The following FMN1 variants were observed in gnomAD, a reference collection of about 807,000 sequenced individuals.
The protein encoded by FMN1 is formin 1, also known as formin-1.
FMN1 carries 110 observed loss-of-function variants against 132.4 expected under a neutral mutation model. That is an observed-to-expected ratio of 0.83 (90% CI 0.71 to 0.97). The LOEUF is 0.97. FMN1 is among the 50% of genes least tolerant of loss of function. The pLI, the probability that FMN1 is intolerant of heterozygous loss-of-function variation, is 0.00. For missense variants in FMN1, 1,792 were observed against 1,705.3 expected, an observed-to-expected ratio of 1.05 and a Z score of -0.90; for synonymous variants, 722 against 651.7, an observed-to-expected ratio of 1.11 and a Z score of -1.64.
intron 6 of FMN1, among the ~76,000 whole-genome samples, chr15:33,052,195 A>G (rs940279818): frequency 6.6e-5 from 10 of 152,228 alleles, no homozygotes; most frequent in African/African-American, 2.4e-4. Flanking sequence ...AATACTATAC[A>G]TAACTATGCT....
At chr15:33,036,035 A>G (rs942701225) in intron 6 of FMN1, among the ~76,000 whole-genome samples, 6 of 152,158 alleles carry the variant, frequency 3.9e-5, no homozygotes, top group Admixed American at 1.3e-4. Context: ...CCTCAGCAAG[A>G]AGGCTCTTAC....
intron 4 of FMN1, among the ~76,000 whole-genome samples, chr15:33,135,027 C>T (rs1963703466): frequency 6.6e-6 from 1 of 152,148 alleles, no homozygotes; most frequent in Admixed American, 6.5e-5. Flanking sequence ...AGTAGGAAAA[C>T]ATTTTGAGTT....
intron 17 of FMN1, among the ~76,000 whole-genome samples, chr15:32,814,989 C>G (rs1481616894): frequency 1.3e-5 from 2 of 152,110 alleles, no homozygotes; most frequent in African/African-American, 4.8e-5. Flanking sequence ...GTCGCCCAGA[C>G]TGGAGTGCAG....
At chr15:32,815,669 C>T (rs1264226360) in intron 17 of FMN1, among the ~76,000 whole-genome samples, 2 of 152,136 alleles carry the variant, frequency 1.3e-5, no homozygotes, top group African/African-American at 4.8e-5. Context: ...GAGTGTGTCC[C>T]CTTCCCTTCA....
chr15:33,013,567 A>G (rs537620185), intron 6 of FMN1, among the ~76,000 whole-genome samples: 12 of 152,348 alleles, frequency 7.9e-5, no homozygotes, highest in African/African-American at 2.4e-4. Flanking sequence ...TTTTTTACGA[A>G]ATTATCTTTA....
intron 19 of FMN1, among the ~76,000 whole-genome samples, chr15:32,792,402 G>A (rs975507494): frequency 1.3e-5 from 2 of 151,522 alleles, no homozygotes; most frequent in South Asian, 2.1e-4. Context: ...CCGAAATCGC[G>A]CCACTGCACT....
intron 4 of FMN1, among the ~76,000 whole-genome samples, chr15:33,119,325 G>A (rs1962330167): frequency 6.6e-6 from 1 of 152,144 alleles, no homozygotes; most frequent in South Asian, 2.1e-4. Context: ...CATATCTTGG[G>A]CTACAGTGGT....
intron 3 of FMN1, among the ~76,000 whole-genome samples, chr15:33,160,962 T>C (rs1388667362): frequency 6.6e-6 from 1 of 152,244 alleles, no homozygotes; most frequent in Non-Finnish European, 1.5e-5. Flanking sequence ...TGCCTTTTAG[T>C]AGATGCTATC....
chr15:32,907,748 G>GAGGCCCTCTGAACCTGTGTCAGAGGACAC (rs67933750), intron 12 of FMN1, among the ~76,000 whole-genome samples: 7 of 151,970 alleles, frequency 4.6e-5, no homozygotes, highest in African/African-American at 1.2e-4. Context: ...ACAGGCAAAA[G>GAGGCCCTCTGAACCTGTGTCAGAGGACAC]AGGCCCTCTG....
chr15:32,913,871 A>G (rs2060621406), intron 10 of FMN1, among the ~76,000 whole-genome samples: 1 of 152,188 alleles, frequency 6.6e-6, no homozygotes, highest in Admixed American at 6.5e-5. Context: ...CTGAAGACTG[A>G]GTCCTGCTGA....
At chr15:32,778,751 T>A (rs2056572061) in intron 19 of FMN1, among the ~76,000 whole-genome samples, 1 of 152,060 alleles carries the variant, frequency 6.6e-6, no homozygotes, top group African/African-American at 2.4e-5. Context: ...AGTTTGGCCG[T>A]TTTCCAAAAC....
chr15:32,776,594 G>T (rs1474519967), intron 20 of FMN1, among the ~76,000 whole-genome samples: 1 of 152,068 alleles, frequency 6.6e-6, no homozygotes, highest in Non-Finnish European at 1.5e-5. Flanking sequence ...ATGTGAAATG[G>T]TAAGTGACTA....
rs985787857 is a variant in FMN1 at position 33,140,053 on chromosome 15, G to C, written c.1867+12995C>G. On this transcript the variant is annotated intron_variant, in intron 4 of 20. Coordinates refer to ENST00000616417, the MANE Select transcript of FMN1 (RefSeq NM_001277313.2). ...AACATATTTTCTCTCTCTAGGCAAAGTATATTTATTTCACTTTTTTAGGAT... is the reference window on the plus strand; with the variant it reads ...AACATATTTTCTCTCTCTAGGCAAACTATATTTATTTCACTTTTTTAGGAT... Among the ~76,000 whole-genome samples the C allele has an allele frequency of 1.1e-4, 17 of 152,000 alleles. 1 individual carries two copies. The highest frequency in any genetic ancestry group is 3.1e-4 in the African/African-American group (13 of 41,362).
chr15:32,889,826 A>G (rs2059983063), intron 15 of FMN1, among the ~76,000 whole-genome samples: 1 of 152,170 alleles, frequency 6.6e-6, no homozygotes, highest in African/African-American at 2.4e-5. Context: ...TGGTTACATG[A>G]GTAAGTTCTT....
intron 3 of FMN1, among the ~76,000 whole-genome samples, chr15:33,178,486 C>A (rs1275318057): frequency 6.6e-6 from 1 of 152,182 alleles, no homozygotes; most frequent in African/African-American, 2.4e-5. Context: ...ATTGTTTTGT[C>A]CAATCCTAAC....
rs746063488 is a variant in FMN1 at position 32,969,353 on chromosome 15, T to G, written c.2348A>C (p.Glu783Ala). ...GGTGGAAATGCACACATCTTTCCTC[T>G]CTTCACAACCCCCTCGCCATCTGTG... ...LEHRWRGGCE[E>A]RKDVCISTDD... Residue 783 changes from glutamate to alanine, a missense_variant, in exon 8 of 21, where the codon GAG (glutamate) becomes GCG (alanine). Glu to Ala is a moderately radical substitution (Grantham distance 107). Transcript: ENST00000616417. 3.1e-6 allele frequency: 5 copies of G among 1,614,002 alleles called. No individual in the cohort carries two copies. Among genetic ancestry groups the G allele is most frequent in the Middle Eastern group, 1.6e-4 (1 of 6,062 alleles).
chr15:32,978,583 A>T (rs775650547), intron 7 of FMN1, among the ~76,000 whole-genome samples: 4 of 152,242 alleles, frequency 2.6e-5, no homozygotes, highest in Non-Finnish European at 5.9e-5. Context: ...TTGTATTATT[A>T]TTATCACTAC....
At chr15:33,032,589 T>C (rs762675929) in intron 6 of FMN1, among the ~76,000 whole-genome samples, 11 of 152,184 alleles carry the variant, frequency 7.2e-5, no homozygotes, top group Non-Finnish European at 1.6e-4. Context: ...AGTCAAACCA[T>C]CATATGTAGA....
intron 16 of FMN1, among the ~76,000 whole-genome samples, chr15:32,886,552 C>T (rs1225065332): frequency 1.3e-5 from 2 of 152,156 alleles, no homozygotes; most frequent in Non-Finnish European, 2.9e-5. Context: ...CTCCTCTTAT[C>T]CTCTTGCTAT....
Sources: gnomAD v4.1 joint callset for allele counts (sites outside exome capture counted in the v4.1 genomes callset) on GRCh38, gnomAD v4.1.1 for gene constraint, MANE v1.5 for transcripts, NCBI Gene and HGNC (gene_info 2026-07-23, HGNC 2026-07-21) for gene names.